The following HARS2 variants were observed in gnomAD, a reference collection of about 807,000 sequenced individuals.
HARS2 encodes histidine--tRNA ligase, mitochondrial.
Under a neutral mutation model 62.4 loss-of-function variants are expected in HARS2, and 40 were observed. That is an observed-to-expected ratio of 0.64 (90% CI 0.50 to 0.83). The LOEUF (loss-of-function observed/expected upper bound fraction) is 0.83. HARS2 is among the 40% of genes least tolerant of loss of function. The pLI, the probability that HARS2 is intolerant of heterozygous loss-of-function variation, is 0.00. For synonymous variants in HARS2, 228 were observed against 227.0 expected (o/e 1.00, Z -0.04); for missense variants, 569 against 626.4 (o/e 0.91, Z 0.98).
At position 140,698,593 on chromosome 5, in the gene HARS2, TTTCCTCTAGAACTGAA is replaced by T. The variant is rs1759856519; in HGVS notation, c.*49_*64del. On this transcript the variant is annotated 3_prime_UTR_variant, in exon 13 of 13. Coordinates refer to ENST00000230771, the MANE Select transcript of HARS2 (RefSeq NM_012208.4). ...CATCTGCTGCTCTTTGTAGAAAAGG[TTTCCTCTAGAACTGAA>T]TTCCTCTGGAATTGAGTGATGGACT... 8 of 1,487,054 alleles carry T rather than the reference TTTCCTCTAGAACTGAA, an allele frequency of 5.4e-6. No individual in the cohort carries two copies. The highest frequency in any genetic ancestry group is 7.5e-6 in the Non-Finnish European group (8 of 1,063,928). 92.1% of individuals were successfully genotyped at this position (1,487,054 alleles called of 1,614,324 possible). A position where few individuals can be genotyped will look rare whatever the true frequency, so the allele number is the denominator to read the frequency against.
At chr5:140,692,957 T>A (rs867417805) in intron 1 of HARS2, among the ~76,000 whole-genome samples, 5 of 151,990 alleles carry the variant, frequency 3.3e-5, no homozygotes, top group Admixed American at 6.6e-5. Context: ...ATCACCATAA[T>A]CCCTACCCCT....
rs1417029285 is a variant in HARS2 at position 140,695,378 on chromosome 5, T to G, written c.400-130T>G. The G allele has an allele frequency of 1.0e-5, 10 of 971,246 alleles. No homozygotes were observed. In the East Asian group the frequency reaches 2.4e-4, roughly 23 times the overall value. 60.2% of individuals were successfully genotyped at this position (971,246 alleles called of 1,614,324 possible). ...TCCAAGCACTGCTAGGCCTTGGGGATAGTGGAAAAAAGGGAAGGTCCTTGT... is the reference window on the plus strand; with the variant it reads ...TCCAAGCACTGCTAGGCCTTGGGGAGAGTGGAAAAAAGGGAAGGTCCTTGT... On this transcript the variant is annotated intron_variant, in intron 4 of 12. Coordinates refer to ENST00000230771, the MANE Select transcript of HARS2 (RefSeq NM_012208.4).
Position 140,696,874 on chromosome 5 carries a change from A to G in HARS2, c.827-69A>G, listed in dbSNP as rs1159351660. The stretch of plus-strand genomic sequence containing the variant: ...TTAAAGAAAATGAGGAAGACTAGCT[A>G]GAGCACATTAGGGATAATTTTGAAT... On this transcript the variant is annotated intron_variant, in intron 8 of 12. Transcript: ENST00000230771. The G allele has an allele frequency of 4.0e-6, 5 of 1,258,930 alleles. No homozygotes were observed. The African/African-American group carries it at 4.6e-5, about 11-fold the overall frequency. The allele number at this position is 1,258,930 out of a possible 1,614,324, so 78.0% of individuals were successfully genotyped here.
Position 140,698,046 on chromosome 5 carries a change from A to G in HARS2, c.1429A>G (p.Ile477Val), listed in dbSNP as rs775208983. ...IGEQELKEGV[I>V]KIRSVASREE... is the part of the protein sequence containing the mutation. ...TGAGCAAGAACTGAAAGAAGGGGTC[A>G]TCAAGATCCGTTCAGTGGCCAGCAG... The change falls in exon 12 of 13, where the codon ATC becomes GTC. Residue 477 changes from isoleucine (I) to valine (V), a missense_variant. Physicochemically the swap from Ile to Val is conservative, Grantham distance 29 (BLOSUM62 3). Transcript: ENST00000230771. 5 of 1,614,134 alleles carry G rather than the reference A, an allele frequency of 3.1e-6. No homozygotes were observed. The highest frequency in any genetic ancestry group is 4.2e-6 in the Non-Finnish European group (5 of 1,180,044).
chr5:140,699,151 T>C lies in HARS2; in HGVS notation c.*599T>C, dbSNP rs73273319. 607 of 165,744 alleles carry C rather than the reference T, an allele frequency of 3.7e-3. 1 individual carries two copies. The highest frequency in any genetic ancestry group is 0.014 in the African/African-American group (583 of 41,716). 10.3% of individuals were successfully genotyped at this position (165,744 alleles called of 1,614,324 possible). A position where few individuals can be genotyped will look rare whatever the true frequency, so the allele number is the denominator to read the frequency against. On this transcript the variant is annotated 3_prime_UTR_variant, in exon 13 of 13. Coordinates refer to ENST00000230771, the MANE Select transcript of HARS2 (RefSeq NM_012208.4). Reference sequence around the variant, plus strand: ...GCTGTATGCTTGATAATCTTGAACATTGAACTTAATAGATGACTTGACAAG... The same window carrying C: ...GCTGTATGCTTGATAATCTTGAACACTGAACTTAATAGATGACTTGACAAG...
rs1347929024 is a variant in HARS2 at position 140,698,840 on chromosome 5, A to G, written c.*288A>G. On this transcript the variant is annotated 3_prime_UTR_variant, in exon 13 of 13. Transcript: ENST00000230771. ...CGGAACGTTGTCAAGAGGTAGTGAG[A>G]TTGTTGCTGTGAGCAAGGCTCTGGG... 2.1e-6 allele frequency: 1 copy of G among 471,036 alleles called. No homozygotes were observed. The highest frequency in any genetic ancestry group is 2.1e-5 in the South Asian group (1 of 48,078). The allele number at this position is 471,036 out of a possible 1,614,324, so 29.2% of individuals were successfully genotyped here.
At chr5:140,694,112 G>A in intron 3 of HARS2, 58 bp downstream of exon 3, 6 of 1,610,172 alleles carry the variant, frequency 3.7e-6, no homozygotes, top group Admixed American at 3.3e-5. Flanking sequence ...GGCGTTCAGT[G>A]TCCCAAAGGG....
chr5:140,697,694 G>A lies in HARS2; in HGVS notation c.1314+9G>A. 1.3e-6 allele frequency: 2 copies of A among 1,570,016 alleles called. No homozygotes were observed. Among genetic ancestry groups the A allele is most frequent in the Non-Finnish European group, 1.8e-6 (2 of 1,139,712 alleles). ...GGGATTCTGGAATCAAGGTATGGTG[G>A]AGCTGATATCTGAGCCATCTGGGTA... On this transcript the variant is annotated intron_variant, in intron 11 of 12. Coordinates refer to ENST00000230771, the MANE Select transcript of HARS2 (RefSeq NM_012208.4).
chr5:140,694,931 A>G (rs1330897189), intron 4 of HARS2, among the ~76,000 whole-genome samples: 1 of 152,068 alleles, frequency 6.6e-6, no homozygotes, highest in Non-Finnish European at 1.5e-5. Flanking sequence ...GGGTGACAAG[A>G]GCAAAACTCT....
chr5:140,697,501 G>A, intron 10 of HARS2, 68 bp from the exon 11 acceptor site: 5 of 1,604,970 alleles, frequency 3.1e-6, no homozygotes, highest in Non-Finnish European at 4.3e-6. Flanking sequence ...GATTCTTTTT[G>A]TCTTGATTTT....
intron 2 of HARS2, 87 bp from the exon 3 acceptor site, chr5:140,693,848 A>G: frequency 6.7e-7 from 1 of 1,485,788 alleles, no homozygotes; most frequent in Non-Finnish European, 9.4e-7. Flanking sequence ...CAGACCTGAG[A>G]TTACATAATA....
intron 1 of HARS2, among the ~76,000 whole-genome samples, chr5:140,692,590 A>T (rs1759551752): frequency 6.6e-6 from 1 of 152,156 alleles, no homozygotes; most frequent in South Asian, 2.1e-4. Flanking sequence ...GTGCTACCTT[A>T]TTAAAAATTA....
chr5:140,691,652 C>A lies in HARS2; in HGVS notation c.4C>A (p.Pro2Thr), dbSNP rs1321732825. ...AAAGCCGGCGTCCTGCCGCGCGATGCCCCTGCTCGGACTTCTTCCCAGGAG... is the reference window on the plus strand; with the variant it reads ...AAAGCCGGCGTCCTGCCGCGCGATGACCCTGCTCGGACTTCTTCCCAGGAG... M[P>T]LLGLLPRRAW... Residue 2 changes from proline (P) to threonine (T), a missense_variant, in exon 1 of 13, where the codon CCC (proline) becomes ACC (threonine). Physicochemically the swap from Pro to Thr is conservative, Grantham distance 38. Coordinates refer to ENST00000230771, the MANE Select transcript of HARS2 (RefSeq NM_012208.4). The A allele has an allele frequency of 6.5e-7, 1 of 1,547,506 alleles. No homozygotes were observed. Among genetic ancestry groups the A allele is most frequent in the South Asian group, 1.2e-5 (1 of 84,000 alleles).
chr5:140,696,988 C>T lies in HARS2; in HGVS notation c.872C>T (p.Ser291Phe). 1 of 1,613,884 alleles carries T rather than the reference C, an allele frequency of 6.2e-7. No homozygotes were observed. The highest frequency in any genetic ancestry group is 8.5e-7 in the Non-Finnish European group (1 of 1,179,888). ...VEQMFQDPRLSQNKQALEGLG... is the reference protein window; with the variant it reads ...VEQMFQDPRLFQNKQALEGLG... ...CAAATGTTTCAGGATCCCAGACTAT[C>T]CCAGAACAAGCAGGCCCTGGAGGGC... The change falls in exon 9 of 13, where the codon TCC (serine) becomes TTC (phenylalanine). Residue 291 changes from serine to phenylalanine, a missense_variant. Transcript: ENST00000230771.
intron 1 of HARS2, among the ~76,000 whole-genome samples, chr5:140,692,792 C>G (rs1170393674): frequency 1.3e-5 from 2 of 151,258 alleles, no homozygotes; most frequent in Non-Finnish European, 2.9e-5. Context: ...ACTCGGGAGG[C>G]AGAGACAGGA....
Position 140,698,577 on chromosome 5 carries a change from C to T in HARS2, c.*25C>T, listed in dbSNP as rs777418155. ...ATCCTTGCCTGATTCCCATCTGCTG[C>T]TCTTTGTAGAAAAGGTTTCCTCTAG... is the stretch of plus-strand genomic sequence containing the variant. On this transcript the variant is annotated 3_prime_UTR_variant, in exon 13 of 13. Coordinates refer to ENST00000230771, the MANE Select transcript of HARS2 (RefSeq NM_012208.4). The T allele has an allele frequency of 8.9e-6, 14 of 1,577,890 alleles. No homozygotes were observed. In the Admixed American group the frequency reaches 1.5e-4, roughly 17 times the overall value.
intron 4 of HARS2, 154 bp from the exon 5 acceptor site, chr5:140,695,354 C>T: frequency 2.4e-6 from 2 of 831,562 alleles, no homozygotes; most frequent in Non-Finnish European, 4.2e-6. Flanking sequence ...ATATTGAATT[C>T]CAAGCACTGC....
Position 140,696,085 on chromosome 5 carries a change from C to A in HARS2, c.634-18C>A. Reference sequence around the variant, plus strand: ...AGGGCATTGACAAGCACTTGGGTCACTGACATTGAGTTCTCAGGTAAATGA... The same window carrying A: ...AGGGCATTGACAAGCACTTGGGTCAATGACATTGAGTTCTCAGGTAAATGA... On this transcript the variant is annotated intron_variant, in intron 6 of 12. Coordinates refer to ENST00000230771, the MANE Select transcript of HARS2 (RefSeq NM_012208.4). The A allele has an allele frequency of 6.3e-7, 1 of 1,590,068 alleles. No homozygotes were observed. Among genetic ancestry groups the A allele is most frequent in the Non-Finnish European group, 8.6e-7 (1 of 1,158,094 alleles).
chr5:140,691,804 A>G (rs1001211465), intron 1 of HARS2, 48 bp downstream of exon 1: 64 of 1,261,042 alleles, frequency 5.1e-5, no homozygotes, highest in Non-Finnish European at 7.0e-5. Context: ...GGGTCTCCAG[A>G]TCTGAACGCA....
Sources: allele counts gnomAD v4.1 joint callset (sites outside exome capture counted in the v4.1 genomes callset), GRCh38; gene constraint gnomAD v4.1.1; transcripts MANE v1.5; gene names NCBI Gene and HGNC (gene_info 2026-07-23, HGNC 2026-07-21).